PRKCE: variants seen among roughly 807,000 people sequenced by gnomAD.
The protein encoded by PRKCE is protein kinase C epsilon type.
In PRKCE, 16 loss-of-function variants were observed where a neutral mutation model predicts 85.4. The ratio of observed to expected loss-of-function variants is 0.19; its 90% CI spans 0.13 to 0.28. The LOEUF (loss-of-function observed/expected upper bound fraction) is 0.28. PRKCE is among the 10% of genes least tolerant of loss of function. PRKCE has a pLI of 1.00. For synonymous variants in PRKCE, 388 were observed against 371.5 expected (o/e 1.04, Z -0.51); for missense variants, 573 against 975.2 (o/e 0.59, Z 5.49).
intron 1 of PRKCE, among the ~76,000 whole-genome samples, chr2:45,698,907 G>C (rs1181962524): frequency 6.6e-6 from 1 of 152,098 alleles, no homozygotes; most frequent in Non-Finnish European, 1.5e-5. Flanking sequence ...TAACATCCAT[G>C]GACTTAGAAA....
intron 1 of PRKCE, among the ~76,000 whole-genome samples, chr2:45,816,427 TG>T (rs555737405): frequency 5.1e-4 from 77 of 152,260 alleles, no homozygotes; most frequent in African/African-American, 1.6e-3. Context: ...TGAGACAGCA[TG>T]GGCTTCATCC....
chr2:46,159,926 A>T lies in PRKCE; in HGVS notation c.2067+174A>T. On this transcript the variant is annotated intron_variant, in intron 14 of 14. Coordinates refer to ENST00000306156, the MANE Select transcript of PRKCE (RefSeq NM_005400.3). This position sits in a 1 kb window ranked among gnomAD's most constrained non-coding sequence, Gnocchi z 4.1. ...CAATGTCTTTAGGCCCCAAGTGTTT[A>T]CTATTGAAAACATGTAACCTACTAC... 2.9e-6 allele frequency: 2 copies of T among 697,756 alleles called. No individual in the cohort carries two copies. Among genetic ancestry groups the T allele is most frequent in the Non-Finnish European group, 2.2e-6 (1 of 451,002 alleles). 43.2% of individuals were successfully genotyped at this position (697,756 alleles called of 1,614,324 possible).
chr2:46,095,627 C>G (rs4953309), intron 11 of PRKCE, among the ~76,000 whole-genome samples: 104,624 of 152,126 alleles, frequency 0.69, 37,293 homozygotes, highest in East Asian at 0.84. Context: ...GCAAAAATTT[C>G]ATTGCTCTTG....
chr2:45,736,336 A>G (rs1052781145), intron 1 of PRKCE, among the ~76,000 whole-genome samples: 1 of 152,188 alleles, frequency 6.6e-6, no homozygotes, highest in Non-Finnish European at 1.5e-5. Flanking sequence ...GCCCCAGGTC[A>G]GAGAGCTATT....
At chr2:46,133,857 T>C (rs563320759) in intron 11 of PRKCE, among the ~76,000 whole-genome samples, 1 of 152,308 alleles carries the variant, frequency 6.6e-6, no homozygotes, top group Admixed American at 6.5e-5. Flanking sequence ...GTAGAGGAGC[T>C]GACCAAAGTG....
At chr2:45,920,176 G>A (rs1207546447) in intron 2 of PRKCE, among the ~76,000 whole-genome samples, 1 of 152,216 alleles carries the variant, frequency 6.6e-6, no homozygotes, top group Admixed American at 6.5e-5. Context: ...ACTCCTGTTT[G>A]ATAAGAGAAA....
rs534842095 is a variant in PRKCE, at chr2:46,180,325, C to T, written c.2068-4410C>T. Among the ~76,000 whole-genome samples, 72 of 152,238 alleles carry T rather than the reference C, an allele frequency of 4.7e-4. No individual in the cohort carries two copies. The South Asian group carries it at 0.013, about 27-fold the overall frequency. ...GGCAAGAGAAAGCAGGAGGAAGCCC[C>T]ATGGTTGGGCAGTGCCAGGGAGATG... is the stretch of plus-strand genomic sequence containing the variant. On this transcript the variant is annotated intron_variant, in intron 14 of 14. Transcript: ENST00000306156.
At chr2:46,062,323 G>A (rs1243096220) in intron 10 of PRKCE, among the ~76,000 whole-genome samples, 2 of 152,186 alleles carry the variant, frequency 1.3e-5, no homozygotes, top group Non-Finnish European at 2.9e-5. Flanking sequence ...GCATGAGGTC[G>A]TTTGTGTGTT....
chr2:45,849,219 A>T (rs1214544821), intron 2 of PRKCE, among the ~76,000 whole-genome samples: 2 of 152,168 alleles, frequency 1.3e-5, no homozygotes, highest in Non-Finnish European at 2.9e-5. Flanking sequence ...TCTTTCTCTC[A>T]CCATGACCTA....
At chr2:45,885,002 T>TATATATTTG (rs1553440407) in intron 2 of PRKCE, among the ~76,000 whole-genome samples, 6 of 97,646 alleles carry the variant, frequency 6.1e-5, no homozygotes, top group Non-Finnish European at 1.1e-4. Context: ...TATATATATA[T>TATATATTTG]TTGTTGTTGT....
intron 1 of PRKCE, among the ~76,000 whole-genome samples, chr2:45,818,583 C>G (rs189570740): frequency 6.6e-6 from 1 of 152,180 alleles, no homozygotes; most frequent in South Asian, 2.1e-4. Flanking sequence ...TTCTACCCTC[C>G]TTTCATCCTC....
chr2:46,052,945 T>C (rs1351923566), intron 10 of PRKCE, among the ~76,000 whole-genome samples: 1 of 152,240 alleles, frequency 6.6e-6, no homozygotes, highest in African/African-American at 2.4e-5. Flanking sequence ...ATTTAGTCTT[T>C]GCTCTCACAC....
At chr2:46,073,398 C>G (rs1668245302) in intron 10 of PRKCE, 1 of 152,170 alleles carries the variant, frequency 6.6e-6, no homozygotes, top group Non-Finnish European at 1.5e-5. Context: ...AAGAGTTTCT[C>G]TTCAGTTTGT....
intron 11 of PRKCE, among the ~76,000 whole-genome samples, chr2:46,121,379 A>G (rs1673298804): frequency 6.6e-6 from 1 of 152,126 alleles, no homozygotes; most frequent in African/African-American, 2.4e-5. Flanking sequence ...ATCAGTCCCC[A>G]TGATCTGAGG....
At chr2:45,962,623 C>T (rs1413469570) in intron 2 of PRKCE, among the ~76,000 whole-genome samples, 1 of 152,330 alleles carries the variant, frequency 6.6e-6, no homozygotes, top group Admixed American at 6.5e-5. Flanking sequence ...CACACAGTGA[C>T]TATTCTTTTC....
intron 1 of PRKCE, among the ~76,000 whole-genome samples, chr2:45,796,729 C>A (rs1321797754): frequency 6.6e-6 from 1 of 152,106 alleles, no homozygotes; most frequent in Non-Finnish European, 1.5e-5. Flanking sequence ...GCATTTTTCC[C>A]AGAGCCCAGG....
At position 46,184,802 on chromosome 2, in the gene PRKCE, T is replaced by G. The variant is rs1464285768; in HGVS notation, c.2135T>G (p.Val712Gly). Residue 712 changes from valine to glycine, a missense_variant, in exon 15 of 15, where the codon GTG (valine) becomes GGG (glycine). Around this residue, in one of 11 missense-constraint regions of PRKCE, gnomAD observed 45 missense variants for 39.1 expected, o/e 1.15. Transcript: ENST00000306156. This position sits in a 1 kb window ranked among gnomAD's most constrained non-coding sequence, Gnocchi z 5.0. ...CGGGAAGAGCCGGTACTCACCCTTGTGGACGAAGCAATTGTAAAGCAGATC... is the reference window on the plus strand; with the variant it reads ...CGGGAAGAGCCGGTACTCACCCTTGGGGACGAAGCAATTGTAAAGCAGATC... ...FTREEPVLTL[V>G]DEAIVKQINQ... 3 of 1,599,670 alleles carry G rather than the reference T, an allele frequency of 1.9e-6. No individual in the cohort carries two copies. The highest frequency in any genetic ancestry group is 2.2e-5 in the East Asian group (1 of 44,894).
intron 1 of PRKCE, among the ~76,000 whole-genome samples, chr2:45,718,680 G>A (rs991736330): frequency 6.6e-6 from 1 of 152,098 alleles, no homozygotes; most frequent in Non-Finnish European, 1.5e-5. Context: ...ACTGGTTCAA[G>A]TCAGGAAAAT....
chr2:45,875,268 A>C (rs1028171711), intron 2 of PRKCE, among the ~76,000 whole-genome samples: 3 of 152,224 alleles, frequency 2.0e-5, no homozygotes, highest in Non-Finnish European at 4.4e-5. Flanking sequence ...CCAAGGTTCA[A>C]CCAGCAATGT....
Sources: gnomAD v4.1 joint callset for allele counts (sites outside exome capture counted in the v4.1 genomes callset) on GRCh38, gnomAD v4.1.1 for gene constraint, gnomAD v4.1.1 regional missense constraint, Gnocchi (gnomAD v3.1) non-coding constraint, MANE v1.5 for transcripts, NCBI Gene and HGNC (gene_info 2026-07-23, HGNC 2026-07-21) for gene names.